SEL1L: variants seen among roughly 807,000 people sequenced by gnomAD.
The protein encoded by SEL1L is SEL1L adaptor subunit of SYVN1 ubiquitin ligase.
SEL1L carries 52 observed loss-of-function variants against 109.8 expected under a neutral mutation model. The ratio of observed to expected loss-of-function variants is 0.47; its 90% CI spans 0.38 to 0.60. The LOEUF (loss-of-function observed/expected upper bound fraction) is 0.60. Among genes scored for constraint, SEL1L ranks in the 20% least tolerant of loss-of-function variants. The probability of loss-of-function intolerance (pLI) is 0.00; values close to 1 mark genes in which losing one functional copy is unlikely to be tolerated. For synonymous variants in SEL1L, 373 were observed against 339.6 expected (o/e 1.10, Z -1.08); for missense variants, 749 against 962.2 (o/e 0.78, Z 2.93).
chr14:81,499,558 G>C (rs377382887), intron 7 of SEL1L, 40 bp from the exon 8 acceptor site: 5 of 1,605,496 alleles, frequency 3.1e-6, no homozygotes, highest in Non-Finnish European at 4.2e-6. Context: ...ACATAGGCAC[G>C]CATTTATTCA....
chr14:81,503,373 T>C (rs1473482152), intron 5 of SEL1L, among the ~76,000 whole-genome samples: 1 of 152,102 alleles, frequency 6.6e-6, no homozygotes, highest in Non-Finnish European at 1.5e-5. Context: ...GGTCTTCCTC[T>C]GTTGCCCAGG....
rs554199993 is a variant in SEL1L, at chr14:81,509,348, T to C, written c.341-3107A>G. 3.3e-5 allele frequency among the ~76,000 whole-genome samples: 5 copies of C among 152,318 alleles called. No homozygotes were observed. In the South Asian group the frequency reaches 1.0e-3, roughly 32 times the overall value. The stretch of plus-strand genomic sequence containing the variant: ...AATCACTGCTCTGGTATAATGAAGC[T>C]GACAGGTTATGCAATTTAAATTAGC... On this transcript the variant is annotated intron_variant, in intron 3 of 20. Transcript: ENST00000336735.
chr14:81,506,780 T>C (rs1047152678), intron 3 of SEL1L, among the ~76,000 whole-genome samples: 6 of 152,222 alleles, frequency 3.9e-5, no homozygotes, highest in African/African-American at 1.4e-4. Flanking sequence ...GACTTTGAGC[T>C]TGTTAAGGGT....
At chr14:81,483,497 T>C (rs193013200) in intron 19 of SEL1L, among the ~76,000 whole-genome samples, 8 of 152,290 alleles carry the variant, frequency 5.3e-5, no homozygotes, top group Admixed American at 2.0e-4. Context: ...AATACATTAG[T>C]ATTACATTCT....
chr14:81,497,881 C>T lies in SEL1L; in HGVS notation c.1128+11G>A, dbSNP rs112161750. The T allele has an allele frequency of 1.9e-5, 31 of 1,610,332 alleles. No individual in the cohort carries two copies. In the African/African-American group the frequency reaches 3.5e-4, roughly 18 times the overall value. The stretch of plus-strand genomic sequence containing the variant: ...CAGTAAAGATATTTGGTGAGATGTT[C>T]AAACACGTACCTGTGCTTGTACATC... On this transcript the variant is annotated intron_variant, in intron 10 of 20. Transcript: ENST00000336735.
intron 12 of SEL1L, among the ~76,000 whole-genome samples, chr14:81,491,966 AAAGT>A: frequency 6.6e-6 from 1 of 151,782 alleles, no homozygotes; most frequent in Non-Finnish European, 1.5e-5. Flanking sequence ...CAATACACAA[AAAGT>A]AAGAGCTCAG....
intron 3 of SEL1L, among the ~76,000 whole-genome samples, chr14:81,509,059 G>A (rs1208467414): frequency 1.3e-5 from 2 of 152,174 alleles, no homozygotes; most frequent in African/African-American, 2.4e-5. Flanking sequence ...TAATTCATTA[G>A]TGAAGAAAAT....
chr14:81,533,020 C>T (rs999471329), intron 1 of SEL1L, among the ~76,000 whole-genome samples: 1 of 152,192 alleles, frequency 6.6e-6, no homozygotes, highest in African/African-American at 2.4e-5. Context: ...ATTTCTGTAT[C>T]TATATAAAAC....
intron 13 of SEL1L, 90 bp from the exon 14 acceptor site, chr14:81,489,404 G>C: frequency 9.4e-7 from 1 of 1,065,250 alleles, no homozygotes; most frequent in Non-Finnish European, 1.4e-6. Context: ...TCATTTATAA[G>C]CATATTCAAA....
intron 5 of SEL1L, 82 bp downstream of exon 5, chr14:81,504,119 G>T: frequency 1.3e-6 from 1 of 778,998 alleles, no homozygotes; most frequent in East Asian, 2.9e-5. Flanking sequence ...CTCTGGCAGT[G>T]CACTTTTTAA....
intron 12 of SEL1L, among the ~76,000 whole-genome samples, chr14:81,491,919 C>T (rs1883552455): frequency 1.3e-5 from 2 of 151,648 alleles, no homozygotes; most frequent in Non-Finnish European, 1.5e-5. Flanking sequence ...AGCAAAAAAC[C>T]GCACAGCATC....
At chr14:81,481,973 G>C (rs1903371720) in intron 19 of SEL1L, among the ~76,000 whole-genome samples, 1 of 151,780 alleles carries the variant, frequency 6.6e-6, no homozygotes, top group Admixed American at 6.6e-5. Context: ...GGAGGTTGCA[G>C]AGAGCCAAGA....
intron 2 of SEL1L, among the ~76,000 whole-genome samples, chr14:81,527,247 A>G (rs1301350117): frequency 1.3e-5 from 2 of 152,122 alleles, no homozygotes; most frequent in African/African-American, 2.4e-5. Context: ...AACATACCTT[A>G]TACTTCTACT....
At chr14:81,519,408 G>C (rs764895297) in intron 3 of SEL1L, among the ~76,000 whole-genome samples, 23 of 152,166 alleles carry the variant, frequency 1.5e-4, no homozygotes, top group South Asian at 1.5e-3. Flanking sequence ...TGCACCTGAG[G>C]GTGTGGTCTT....
chr14:81,488,198 C>T (rs1883394385), intron 14 of SEL1L, among the ~76,000 whole-genome samples: 1 of 152,142 alleles, frequency 6.6e-6, no homozygotes, highest in African/African-American at 2.4e-5. Flanking sequence ...AGCATAAAAA[C>T]TAGTAGAACA....
Position 81,504,193 on chromosome 14 carries a change from C to T in SEL1L, c.614+8G>A, listed in dbSNP as rs751283666. The T allele has an allele frequency of 4.5e-6, 7 of 1,556,818 alleles. No individual in the cohort carries two copies. The highest frequency in any genetic ancestry group is 1.4e-5 in the African/African-American group (1 of 72,720). ...TGGGGGAAAAGTGGACTTAGCAGTG[C>T]TACCTACTCTCTTTTTTGGCTTTTC... On this transcript the variant is annotated splice_region_variant and intron_variant, in intron 5 of 20. Transcript: ENST00000336735.
chr14:81,500,200 T>C (rs1883946677), intron 6 of SEL1L, among the ~76,000 whole-genome samples: 1 of 151,942 alleles, frequency 6.6e-6, no homozygotes, highest in Non-Finnish European at 1.5e-5. Flanking sequence ...GGTAAGCCAC[T>C]GTACCCGGCC....
At chr14:81,515,805 G>A (rs1233537425) in intron 3 of SEL1L, among the ~76,000 whole-genome samples, 3 of 152,116 alleles carry the variant, frequency 2.0e-5, no homozygotes, top group African/African-American at 7.2e-5. Flanking sequence ...TGAGCCCTGG[G>A]CCCCGAACAA....
intron 3 of SEL1L, among the ~76,000 whole-genome samples, chr14:81,526,520 C>G (rs939766961): frequency 1.3e-5 from 2 of 152,184 alleles, no homozygotes; most frequent in African/African-American, 4.8e-5. Context: ...GCAATCTCAT[C>G]TATTGAATTC....
Sources: allele counts gnomAD v4.1 joint callset (sites outside exome capture counted in the v4.1 genomes callset), GRCh38; gene constraint gnomAD v4.1.1; transcripts MANE v1.5; gene names NCBI Gene and HGNC (gene_info 2026-07-23, HGNC 2026-07-21).